CPEB1: variants seen among roughly 807,000 people sequenced by gnomAD.
The protein encoded by CPEB1 is cytoplasmic polyadenylation element binding protein 1, also known as cytoplasmic polyadenylation element-binding protein 1.
Under a neutral mutation model 65.8 loss-of-function variants are expected in CPEB1, and 7 were observed. That is an observed-to-expected ratio of 0.11 (90% CI 0.06 to 0.20). The LOEUF (loss-of-function observed/expected upper bound fraction) is 0.20, where lower values mean the gene tolerates loss of function less well. CPEB1 is among the 10% of genes least tolerant of loss of function. CPEB1 has a pLI of 1.00. For synonymous variants in CPEB1, 262 were observed against 260.0 expected, an observed-to-expected ratio of 1.01 and a Z score of -0.08; for missense variants, 551 against 712.2, an observed-to-expected ratio of 0.77 and a Z score of 2.58.
chr15:82,563,693 GA>G (rs1361842017), intron 4 of CPEB1, among the ~76,000 whole-genome samples: 2 of 152,048 alleles, frequency 1.3e-5, no homozygotes, highest in Non-Finnish European at 2.9e-5. Flanking sequence ...TTGATACATG[GA>G]GAGAGAATGT....
At position 82,543,442 on chromosome 15, in the gene CPEB1, T is replaced by A; in HGVS notation, c.*1150A>T. 1 of 135,378 alleles carries A rather than the reference T, an allele frequency of 7.4e-6. No individual in the cohort carries two copies. Among genetic ancestry groups the A allele is most frequent in the Non-Finnish European group, 1.6e-5 (1 of 64,046 alleles). The allele number at this position is 135,378 out of a possible 1,614,324, so 8.4% of individuals were successfully genotyped here. On this transcript the variant is annotated 3_prime_UTR_variant, in exon 13 of 13. Transcript: ENST00000684509. ...CCCTAGGAGGGGCAAGTAGTTTTTG[T>A]GGGTTTTTTGTTTCTTTTTAAAAAA...
intron 3 of CPEB1, among the ~76,000 whole-genome samples, chr15:82,572,336 C>T (rs939852124): frequency 6.6e-6 from 1 of 152,216 alleles, no homozygotes; most frequent in Admixed American, 6.5e-5. Context: ...GGGAACAACA[C>T]CTGGTGTTCC....
At chr15:82,592,286 G>A (rs1392374955) in intron 3 of CPEB1, among the ~76,000 whole-genome samples, 1 of 152,124 alleles carries the variant, frequency 6.6e-6, no homozygotes, top group Non-Finnish European at 1.5e-5. Context: ...GTTTCCCAGT[G>A]CACATGGAAG....
At chr15:82,618,477 C>T (rs932396427) in intron 3 of CPEB1, among the ~76,000 whole-genome samples, 4 of 152,176 alleles carry the variant, frequency 2.6e-5, no homozygotes, top group Non-Finnish European at 5.9e-5. Flanking sequence ...AGCAAACTGG[C>T]AGTTGCCTAG....
At chr15:82,571,827 C>A in intron 3 of CPEB1, 3 of 1,212,314 alleles carry the variant, frequency 2.5e-6, no homozygotes, top group Non-Finnish European at 1.0e-6. Context: ...GCCGGCTGAG[C>A]CGTGCAATAG....
intron 3 of CPEB1, among the ~76,000 whole-genome samples, chr15:82,592,792 C>G (rs767759867): frequency 6.6e-6 from 1 of 151,782 alleles, no homozygotes; most frequent in East Asian, 1.9e-4. Context: ...GTCAGGAGAT[C>G]GAGACCATCC....
chr15:82,574,603 C>T (rs993502620), intron 3 of CPEB1, among the ~76,000 whole-genome samples: 9 of 151,754 alleles, frequency 5.9e-5, no homozygotes, highest in African/African-American at 2.2e-4. Flanking sequence ...CGCCTGCAGT[C>T]CCAGCTACTT....
At chr15:82,563,750 G>T (rs2038642346) in intron 4 of CPEB1, among the ~76,000 whole-genome samples, 1 of 151,810 alleles carries the variant, frequency 6.6e-6, no homozygotes, top group Admixed American at 6.6e-5. Flanking sequence ...AACAATAGGA[G>T]GTTCTGGATA....
chr15:82,558,673 C>T (rs1023104084), intron 4 of CPEB1, among the ~76,000 whole-genome samples: 1 of 152,180 alleles, frequency 6.6e-6, no homozygotes, highest in Non-Finnish European at 1.5e-5. Context: ...GCTTCTCTGA[C>T]CCTCTGTTTT....
intron 1 of CPEB1, among the ~76,000 whole-genome samples, chr15:82,645,434 T>G (rs1385676126): frequency 6.6e-6 from 1 of 151,960 alleles, no homozygotes; most frequent in Non-Finnish European, 1.5e-5. Flanking sequence ...ATTAAAGGCG[T>G]GAGTCATGGG....
At chr15:82,604,250 G>A (rs1028357629) in intron 3 of CPEB1, among the ~76,000 whole-genome samples, 12 of 152,106 alleles carry the variant, frequency 7.9e-5, no homozygotes, top group East Asian at 5.8e-4. Flanking sequence ...TTGGGAGGCC[G>A]AGGCAGGCGG....
chr15:82,622,082 A>G (rs973309988), intron 3 of CPEB1, among the ~76,000 whole-genome samples: 1 of 152,158 alleles, frequency 6.6e-6, no homozygotes, highest in Non-Finnish European at 1.5e-5. Flanking sequence ...CTTAAATCAC[A>G]TGTCCATTTG....
intron 1 of CPEB1, chr15:82,629,728 G>T: frequency 1.0e-6 from 1 of 985,316 alleles, no homozygotes; most frequent in Non-Finnish European, 1.2e-6. Flanking sequence ...AATGAAACTG[G>T]CACTTAATAT....
At position 82,629,469 on chromosome 15, in the gene CPEB1, C is replaced by T. The variant is rs1042634954; in HGVS notation, c.-97-913G>A. 3 of 983,682 alleles carry T rather than the reference C, an allele frequency of 3.0e-6. No homozygotes were observed. In the African/African-American group the frequency reaches 5.3e-5, roughly 17 times the overall value. The allele number at this position is 983,682 out of a possible 1,614,324, so 60.9% of individuals were successfully genotyped here. A position where few individuals can be genotyped will look rare whatever the true frequency, so the allele number is the denominator to read the frequency against. On this transcript the variant is annotated intron_variant, in intron 1 of 12. Transcript: ENST00000684509. Reference sequence around the variant, plus strand: ...ACTCCTATATATATATATAAAAAATCATGAACCCTTACACAAAAACTATTC... The same window carrying T: ...ACTCCTATATATATATATAAAAAATTATGAACCCTTACACAAAAACTATTC...
chr15:82,629,593 C>T (rs1217628761), intron 1 of CPEB1: 8 of 985,238 alleles, frequency 8.1e-6, no homozygotes, highest in Non-Finnish European at 9.6e-6. Context: ...CCTCACTCTC[C>T]ACAGCCAATG....
chr15:82,571,225 G>T, intron 4 of CPEB1, 119 bp downstream of exon 4: 3 of 1,295,378 alleles, frequency 2.3e-6, no homozygotes, highest in East Asian at 2.5e-5. Context: ...GCTCCATGTT[G>T]TATGTGTGTA....
At chr15:82,603,292 T>C (rs983246346) in intron 3 of CPEB1, among the ~76,000 whole-genome samples, 34 of 151,998 alleles carry the variant, frequency 2.2e-4, no homozygotes, top group Admixed American at 5.9e-4. Flanking sequence ...ACTTATGTGG[T>C]TGTATTTGAC....
At chr15:82,577,694 G>A (rs2040814171) in intron 3 of CPEB1, among the ~76,000 whole-genome samples, 1 of 152,046 alleles carries the variant, frequency 6.6e-6, no homozygotes, top group South Asian at 2.1e-4. Flanking sequence ...TTTTTGGGAA[G>A]TATATTTTTG....
At chr15:82,567,676 G>A (rs544875730) in intron 4 of CPEB1, among the ~76,000 whole-genome samples, 1 of 152,152 alleles carries the variant, frequency 6.6e-6, no homozygotes, top group Admixed American at 6.5e-5. Context: ...AGTGTGAACA[G>A]GTTAGTCCTC....
Sources: allele counts gnomAD v4.1 joint callset (sites outside exome capture counted in the v4.1 genomes callset), GRCh38; gene constraint gnomAD v4.1.1; transcripts MANE v1.5; gene names NCBI Gene and HGNC (gene_info 2026-07-23, HGNC 2026-07-21).